The following CBL variants were observed in gnomAD, a reference collection of about 807,000 sequenced individuals.
CBL encodes the protein Cbl proto-oncogene.
In CBL, 45 loss-of-function variants were observed where a neutral mutation model predicts 96.9. The ratio of observed to expected loss-of-function variants is 0.46; its 90% CI spans 0.37 to 0.60. The LOEUF is 0.60. CBL is among the 20% of genes least tolerant of loss of function. The pLI is 0.00. For missense variants in CBL, 1,024 were observed against 1,143.5 expected (o/e 0.90, Z 1.51); for synonymous variants, 420 against 426.8 (o/e 0.98, Z 0.20).
intron 11 of CBL, 40 bp from the exon 12 acceptor site, chr11:119,287,812 G>T: frequency 1.6e-6 from 2 of 1,266,024 alleles, no homozygotes; most frequent in Non-Finnish European, 2.3e-6. Context: ...CTCAGCTGTG[G>T]TAAGAAAGTT....
intron 12 of CBL, among the ~76,000 whole-genome samples, chr11:119,293,955 A>G (rs1354855381): frequency 6.6e-6 from 1 of 152,176 alleles, no homozygotes; most frequent in Non-Finnish European, 1.5e-5. Context: ...GCCTAGTTCA[A>G]AACCCCTAAT....
intron 11 of CBL, among the ~76,000 whole-genome samples, chr11:119,286,039 C>T (rs1949982568): frequency 6.6e-6 from 1 of 152,188 alleles, no homozygotes; most frequent in Non-Finnish European, 1.5e-5. Context: ...TGGCTCACAC[C>T]TGCAATCACA....
chr11:119,231,907 G>C (rs1949504451), intron 1 of CBL, among the ~76,000 whole-genome samples: 1 of 151,148 alleles, frequency 6.6e-6, no homozygotes, highest in South Asian at 2.1e-4. Flanking sequence ...TCAGGAGTTT[G>C]GGTCTAGCCT....
intron 1 of CBL, among the ~76,000 whole-genome samples, chr11:119,217,374 A>C (rs1949370878): frequency 1.3e-5 from 2 of 152,182 alleles, no homozygotes; most frequent in African/African-American, 4.8e-5. Context: ...TGGCCTCCCA[A>C]AGTGCTGGGA....
intron 3 of CBL, 22 bp from the exon 4 acceptor site, chr11:119,273,846 C>T (rs746053254): frequency 1.2e-6 from 2 of 1,610,260 alleles, no homozygotes; most frequent in Non-Finnish European, 1.7e-6. Flanking sequence ...CACTTTATGC[C>T]TCCTCTCCAC....
At chr11:119,277,692 T>A in intron 6 of CBL, 65 bp from the exon 7 acceptor site, 1 of 1,030,450 alleles carries the variant, frequency 9.7e-7, no homozygotes. Context: ...AGATTCCATT[T>A]GTCTATATTA....
chr11:119,231,131 G>C (rs545585432), intron 1 of CBL, among the ~76,000 whole-genome samples: 26 of 152,110 alleles, frequency 1.7e-4, no homozygotes, highest in African/African-American at 6.0e-4. Context: ...GGTTGGGTGC[G>C]GTGGCTCATG....
At chr11:119,287,251 G>A (rs1366913218) in intron 11 of CBL, among the ~76,000 whole-genome samples, 3 of 152,228 alleles carry the variant, frequency 2.0e-5, no homozygotes, top group African/African-American at 7.2e-5. Context: ...GGAAAAAAAG[G>A]TAAGTACCAC....
intron 2 of CBL, among the ~76,000 whole-genome samples, chr11:119,269,602 T>C (rs913539358): frequency 6.6e-6 from 1 of 152,176 alleles, no homozygotes; most frequent in African/African-American, 2.4e-5. Context: ...AAGATAGCAC[T>C]GATGGTGACC....
Position 119,206,684 on chromosome 11 carries a change from G to T in CBL, c.195+72G>T, listed in dbSNP as rs1382542816. On this transcript the variant is annotated intron_variant, in intron 1 of 15. Transcript: ENST00000264033. ...GAGGGCCGCGGGGAGGGGAACGAGC[G>T]GACGGAGGAAGCGGGGGAGGGGACG... The T allele has an allele frequency of 3.4e-6, 5 of 1,469,240 alleles. No homozygotes were observed. In the Admixed American group the frequency reaches 1.0e-4, roughly 30 times the overall value. The allele number at this position is 1,469,240 out of a possible 1,614,324, so 91.0% of individuals were successfully genotyped here. A position where few individuals can be genotyped will look rare whatever the true frequency, so the allele number is the denominator to read the frequency against.
chr11:119,217,042 C>T (rs185149784), intron 1 of CBL, among the ~76,000 whole-genome samples: 241 of 152,272 alleles, frequency 1.6e-3, no homozygotes, highest in Admixed American at 2.6e-3. Flanking sequence ...CAGATAAGTT[C>T]AATCTCAAAA....
chr11:119,229,171 A>G (rs1457989070), intron 1 of CBL, among the ~76,000 whole-genome samples: 1 of 152,118 alleles, frequency 6.6e-6, no homozygotes, highest in Non-Finnish European at 1.5e-5. Context: ...TACAATTTTA[A>G]TATTTTTGTT....
At chr11:119,263,440 T>TC (rs1949770141) in intron 2 of CBL, among the ~76,000 whole-genome samples, 1 of 152,180 alleles carries the variant, frequency 6.6e-6, no homozygotes, top group Admixed American at 6.5e-5. Context: ...GTTAGATGTG[T>TC]CCCCTTTAGC....
Position 119,285,263 on chromosome 11 carries a change from G to A in CBL, c.1638G>A (p.Pro546=), listed in dbSNP as rs375702554. The change falls in exon 11 of 16, where the codon CCG becomes CCA. Residue 546 remains proline (P), a synonymous_variant. Transcript: ENST00000264033. ...PPTLRDLPPP[P]PPDRPYSVGA... ...CACTTCGAGATCTTCCACCACCACC[G>A]CCTCCAGACCGGCCATATTCTGTTG... is the stretch of plus-strand genomic sequence containing the variant. 28 of 1,613,916 alleles carry A rather than the reference G, an allele frequency of 1.7e-5. No homozygotes were observed. The highest frequency in any genetic ancestry group is 9.3e-5 in the African/African-American group (7 of 74,926).
intron 9 of CBL, among the ~76,000 whole-genome samples, chr11:119,282,870 G>A (rs1949948197): frequency 6.6e-6 from 1 of 151,982 alleles, no homozygotes; most frequent in Admixed American, 6.6e-5. Context: ...GATCACTTTA[G>A]CCCAGAGGTT....
At position 119,306,354 on chromosome 11, in the gene CBL, T is replaced by C. The variant is rs1409115451; in HGVS notation, c.*6573T>C. On this transcript the variant is annotated 3_prime_UTR_variant, in exon 16 of 16. Coordinates refer to ENST00000264033, the MANE Select transcript of CBL (RefSeq NM_005188.4). ...GCTGAAGAAATCAGCAGAGTCCTGA[T>C]TGCCTGATTCAGTCCCAAAAATGAA... 2 of 398,764 alleles carry C rather than the reference T, an allele frequency of 5.0e-6. No homozygotes were observed. Among genetic ancestry groups the C allele is most frequent in the African/African-American group, 2.1e-5 (1 of 48,734 alleles). 24.7% of individuals were successfully genotyped at this position (398,764 alleles called of 1,614,324 possible).
intron 12 of CBL, among the ~76,000 whole-genome samples, chr11:119,294,647 T>A (rs1224246609): frequency 6.6e-6 from 1 of 151,632 alleles, no homozygotes; most frequent in Non-Finnish European, 1.5e-5. Context: ...AAAAATTAGC[T>A]GGGTGTGGTG....
Position 119,302,663 on chromosome 11 carries a change from A to C in CBL, c.*2882A>C. 4.3e-6 allele frequency: 1 copy of C among 231,618 alleles called. No individual in the cohort carries two copies. Among genetic ancestry groups the C allele is most frequent in the East Asian group, 6.1e-5 (1 of 16,374 alleles). The allele number at this position is 231,618 out of a possible 1,614,324, so 14.3% of individuals were successfully genotyped here. A position where few individuals can be genotyped will look rare whatever the true frequency, so the allele number is the denominator to read the frequency against. ...AGCTGCCTTGTTGCGGGGTTGCTGC[A>C]GAGCAGCAACTGGACCTTTCCAGCT... On this transcript the variant is annotated 3_prime_UTR_variant, in exon 16 of 16. Coordinates refer to ENST00000264033, the MANE Select transcript of CBL (RefSeq NM_005188.4).
At chr11:119,242,924 C>T (rs1180322117) in intron 2 of CBL, among the ~76,000 whole-genome samples, 1 of 151,674 alleles carries the variant, frequency 6.6e-6, no homozygotes, top group African/African-American at 2.4e-5. Flanking sequence ...ATTGCCATAC[C>T]AGGTTGCATT....
Sources: allele counts gnomAD v4.1 joint callset (sites outside exome capture counted in the v4.1 genomes callset), GRCh38; gene constraint gnomAD v4.1.1; transcripts MANE v1.5; gene names NCBI Gene and HGNC (gene_info 2026-07-23, HGNC 2026-07-21).